IL1RAPL1: variants seen among roughly 807,000 people sequenced by gnomAD.
The protein encoded by IL1RAPL1 is interleukin-1 receptor accessory protein-like 1.
A neutral mutation model predicts 48.4 loss-of-function variants in IL1RAPL1; 3 were observed. The ratio of observed to expected loss-of-function variants is 0.06; its 90% CI spans 0.03 to 0.16. The LOEUF is 0.16. Ranked by LOEUF, IL1RAPL1 falls within the 10% of genes least tolerant of loss-of-function variation. The probability of loss-of-function intolerance (pLI) is 1.00; values close to 1 mark genes in which losing one functional copy is unlikely to be tolerated. For synonymous variants in IL1RAPL1, 185 were observed against 187.7 expected, an observed-to-expected ratio of 0.99 and a Z score of 0.12; for missense variants, 349 against 530.6, an observed-to-expected ratio of 0.66 and a Z score of 3.36.
At chrX:29,201,914 C>G (rs769503368) in intron 2 of IL1RAPL1, among the ~76,000 whole-genome samples, 3 of 111,770 alleles carry the variant, frequency 2.7e-5, no homozygotes, top group Non-Finnish European at 5.6e-5. Context: ...AGGCTGGTTG[C>G]GAACTCCTGA....
At chrX:29,322,038 C>T (rs1039573241) in intron 3 of IL1RAPL1, among the ~76,000 whole-genome samples, 4 of 109,661 alleles carry the variant, frequency 3.6e-5, no homozygotes, top group Non-Finnish European at 7.6e-5. Context: ...TTCAATTACA[C>T]TATGAAAAAA....
At chrX:28,908,793 A>G (rs757940576) in intron 2 of IL1RAPL1, among the ~76,000 whole-genome samples, 2 of 111,838 alleles carry the variant, frequency 1.8e-5, no homozygotes, top group African/African-American at 6.5e-5. Flanking sequence ...GAGGGTTGAA[A>G]TCTCCAACTT....
At chrX:29,671,272 G>A (rs989312264) in intron 6 of IL1RAPL1, among the ~76,000 whole-genome samples, 2 of 111,495 alleles carry the variant, frequency 1.8e-5, no homozygotes, top group African/African-American at 3.3e-5. Context: ...CTATATTTCT[G>A]TATTTTCTTG....
chrX:28,764,815 GCAAA>G (rs1303384947), intron 1 of IL1RAPL1, among the ~76,000 whole-genome samples: 44 of 103,213 alleles, frequency 4.3e-4, no homozygotes, highest in Non-Finnish European at 5.8e-4. Context: ...ACACATGCAC[GCAAA>G]CACACACACA....
intron 2 of IL1RAPL1, among the ~76,000 whole-genome samples, chrX:29,217,569 G>C (rs1227542200): frequency 9.0e-6 from 1 of 111,472 alleles, no homozygotes; most frequent in African/African-American, 3.3e-5. Context: ...TGCATTGCCA[G>C]GTAGCTGCCA....
At chrX:29,228,333 G>A (rs5943622) in intron 2 of IL1RAPL1, among the ~76,000 whole-genome samples, 609 of 14,421 alleles carry the variant, frequency 0.042, 13 homozygotes, top group Middle Eastern at 0.062. Context: ...GTTTTGCCTA[G>A]TGTGTGTGTG....
chrX:29,392,702 A>C lies in IL1RAPL1; in HGVS notation c.363-3556A>C, dbSNP rs182507127. Among the ~76,000 whole-genome samples, 306 of 112,162 alleles carry C rather than the reference A, an allele frequency of 2.7e-3. 2 individuals carry two copies. The highest frequency in any genetic ancestry group is 9.7e-3 in the African/African-American group (301 of 30,892). ...ATGCTCCTCTGGAGCCACTTTCTGAAGATTAGGGGACATTTGTATTTAAAG... is the reference window on the plus strand; with the variant it reads ...ATGCTCCTCTGGAGCCACTTTCTGACGATTAGGGGACATTTGTATTTAAAG... On this transcript the variant is annotated intron_variant, in intron 3 of 10. Coordinates refer to ENST00000378993, the MANE Select transcript of IL1RAPL1 (RefSeq NM_014271.4).
intron 2 of IL1RAPL1, among the ~76,000 whole-genome samples, chrX:29,080,064 T>C (rs1420891412): frequency 9.0e-6 from 1 of 111,251 alleles, no homozygotes; most frequent in East Asian, 2.8e-4. Flanking sequence ...TTAGTTTTAG[T>C]TTCCTGTGGT....
chrX:29,371,003 T>G (rs2147666529), intron 3 of IL1RAPL1, among the ~76,000 whole-genome samples: 1 of 110,330 alleles, frequency 9.1e-6, no homozygotes, highest in East Asian at 2.8e-4. Context: ...TATCATTTCC[T>G]GTGTTGGGAA....
At chrX:29,153,223 C>T (rs866116666) in intron 2 of IL1RAPL1, among the ~76,000 whole-genome samples, 33 of 111,439 alleles carry the variant, frequency 3.0e-4, no homozygotes, top group Admixed American at 8.7e-4. Context: ...AATACCCTTG[C>T]GATTACACTG....
At chrX:29,475,460 A>G (rs759829632) in intron 5 of IL1RAPL1, among the ~76,000 whole-genome samples, 1 of 112,056 alleles carries the variant, frequency 8.9e-6, no homozygotes, top group Non-Finnish European at 1.9e-5. Flanking sequence ...TGTGAATGCA[A>G]TTAGGTTTAC....
chrX:29,281,063 T>C (rs1932194863), intron 2 of IL1RAPL1, among the ~76,000 whole-genome samples: 1 of 112,129 alleles, frequency 8.9e-6, no homozygotes, highest in African/African-American at 3.2e-5. Context: ...CGTTATTATG[T>C]GTCTTCTTTG....
chrX:29,374,286 CTT>C (rs747182215), intron 3 of IL1RAPL1, among the ~76,000 whole-genome samples: 87 of 4,756 alleles, frequency 0.018, no homozygotes, highest in African/African-American at 0.026. Context: ...TGGTTGGTTG[CTT>C]TTTTTTTTTT....
At chrX:29,328,629 A>G (rs1398333342) in intron 3 of IL1RAPL1, among the ~76,000 whole-genome samples, 1 of 99,687 alleles carries the variant, frequency 1.0e-5, no homozygotes. Context: ...TAAATTATAT[A>G]TGTATATATA....
In IL1RAPL1 at chrX:28,935,572, G is replaced by T. The variant is rs749337796; in HGVS notation, c.82+146147G>T. On this transcript the variant is annotated intron_variant, in intron 2 of 10. Coordinates refer to ENST00000378993, the MANE Select transcript of IL1RAPL1 (RefSeq NM_014271.4). ...GTTTATGGGGAGAGAGTAGCTTTGG[G>T]CTTCCCTGAGGGTTATGTCTTGCAA... Among the ~76,000 whole-genome samples, 5 of 111,151 alleles carry T rather than the reference G, an allele frequency of 4.5e-5. No homozygotes were observed. The South Asian group carries it at 1.9e-3, about 42-fold the overall frequency.
intron 4 of IL1RAPL1, among the ~76,000 whole-genome samples, chrX:29,398,944 G>A (rs761922601): frequency 4.5e-4 from 51 of 112,183 alleles, no homozygotes; most frequent in Non-Finnish European, 6.4e-4. Context: ...GTTCAAAAAT[G>A]TATAATGACC....
intron 2 of IL1RAPL1, among the ~76,000 whole-genome samples, chrX:28,987,348 A>G (rs772743728): frequency 8.9e-6 from 1 of 112,414 alleles, no homozygotes; most frequent in Admixed American, 9.4e-5. Context: ...GAAGCCAGAA[A>G]CCTGAATGCT....
chrX:28,900,423 C>G (rs1269535469), intron 2 of IL1RAPL1, among the ~76,000 whole-genome samples: 1 of 111,641 alleles, frequency 9.0e-6, no homozygotes, highest in East Asian at 2.8e-4. Flanking sequence ...GATGGTTACT[C>G]TAACTGAATA....
chrX:29,169,986 G>C (rs1211399700), intron 2 of IL1RAPL1, among the ~76,000 whole-genome samples: 1 of 110,587 alleles, frequency 9.0e-6, no homozygotes, highest in Non-Finnish European at 1.9e-5. Flanking sequence ...ATTTCCCATG[G>C]AACCTGAAGC....
Sources: gnomAD v4.1 joint callset for allele counts (sites outside exome capture counted in the v4.1 genomes callset) on GRCh38, gnomAD v4.1.1 for gene constraint, MANE v1.5 for transcripts, NCBI Gene and HGNC (gene_info 2026-07-23, HGNC 2026-07-21) for gene names.